BANK1: variants seen among roughly 807,000 people sequenced by gnomAD.
BANK1 encodes the protein B-cell scaffold protein with ankyrin repeats.
A neutral mutation model predicts 94.5 loss-of-function variants in BANK1; 95 were observed. The ratio of observed to expected loss-of-function variants is 1.00; its 90% CI spans 0.85 to 1.19. The LOEUF is 1.19. Ranked by LOEUF, BANK1 falls within the 50% of genes most tolerant of loss-of-function variation. BANK1 has a pLI of 0.00. For missense variants in BANK1, 987 were observed against 932.2 expected, an observed-to-expected ratio of 1.06 and a Z score of -0.77; for synonymous variants, 334 against 308.4, an observed-to-expected ratio of 1.08 and a Z score of -0.87.
chr4:101,972,463 A>C (rs1014997371), intron 7 of BANK1: 1 of 152,044 alleles, frequency 6.6e-6, no homozygotes, highest in African/African-American at 2.4e-5. Flanking sequence ...CAAACATGTA[A>C]TATACTAACA....
chr4:101,807,740 C>G (rs1386653290), intron 1 of BANK1, among the ~76,000 whole-genome samples: 1 of 152,082 alleles, frequency 6.6e-6, no homozygotes, highest in Non-Finnish European at 1.5e-5. Context: ...CAACAAGGTT[C>G]ATTATTTGCT....
At chr4:101,794,309 T>A (rs1725084415) in intron 1 of BANK1, among the ~76,000 whole-genome samples, 2 of 152,110 alleles carry the variant, frequency 1.3e-5, no homozygotes, top group South Asian at 4.1e-4. Flanking sequence ...AAGATGAGAA[T>A]CTATTTTACC....
intron 7 of BANK1, among the ~76,000 whole-genome samples, chr4:101,953,429 G>A (rs1475228486): frequency 2.0e-5 from 3 of 152,018 alleles, no homozygotes; most frequent in African/African-American, 7.2e-5. Flanking sequence ...AGAATTGCAT[G>A]GAGAGAACAG....
chr4:102,068,970 G>GTA (rs1309840255), intron 13 of BANK1, among the ~76,000 whole-genome samples: 2 of 152,094 alleles, frequency 1.3e-5, no homozygotes, highest in African/African-American at 4.8e-5. Flanking sequence ...ACTCCTCTGA[G>GTA]TATACCTCTT....
At chr4:101,981,619 C>T (rs1259234109) in intron 7 of BANK1, among the ~76,000 whole-genome samples, 1 of 152,070 alleles carries the variant, frequency 6.6e-6, no homozygotes, top group Admixed American at 6.6e-5. Context: ...ATTTTAGTAA[C>T]ACTGGAATTA....
chr4:101,813,784 G>T, intron 1 of BANK1: 2 of 797,192 alleles, frequency 2.5e-6, no homozygotes, highest in Non-Finnish European at 3.0e-6. Context: ...GAGCTTCTGC[G>T]GGTGGTAGGA....
chr4:101,816,125 G>T (rs901372727), intron 1 of BANK1, among the ~76,000 whole-genome samples: 8 of 152,134 alleles, frequency 5.3e-5, no homozygotes, highest in African/African-American at 1.9e-4. Flanking sequence ...CTCATCTGTA[G>T]CTCTAAAAGT....
At chr4:101,857,913 G>A (rs1052357343) in intron 3 of BANK1, among the ~76,000 whole-genome samples, 12 of 152,098 alleles carry the variant, frequency 7.9e-5, no homozygotes, top group Admixed American at 5.9e-4. Context: ...TATGGGCCAA[G>A]ACATTTGTTT....
At chr4:101,838,717 G>A (rs1726923076) in intron 2 of BANK1, among the ~76,000 whole-genome samples, 1 of 152,200 alleles carries the variant, frequency 6.6e-6, no homozygotes, top group African/African-American at 2.4e-5. Flanking sequence ...CTACCCTTAT[G>A]TGATGATTGA....
Position 101,869,520 on chromosome 4 carries a change from AAGCT to A in BANK1, c.764-984_764-981del, listed in dbSNP as rs1193730943. Among the ~76,000 whole-genome samples the A allele has an allele frequency of 3.9e-5, 6 of 152,074 alleles. No individual in the cohort carries two copies. In the East Asian group the frequency reaches 1.2e-3, roughly 29 times the overall value. On this transcript the variant is annotated intron_variant, in intron 4 of 16. Coordinates refer to ENST00000322953, the MANE Select transcript of BANK1 (RefSeq NM_017935.5). ...GAAATTTCAGCTCCTTGACCTAGTTAAGCTTAAGATTGCTTTCGTTGCATTTAAG... is the reference window on the plus strand; with the variant it reads ...GAAATTTCAGCTCCTTGACCTAGTTATAAGATTGCTTTCGTTGCATTTAAG...
At chr4:101,931,420 T>G (rs1723337088) in intron 7 of BANK1, among the ~76,000 whole-genome samples, 1 of 151,474 alleles carries the variant, frequency 6.6e-6, no homozygotes, top group Non-Finnish European at 1.5e-5. Context: ...GAACCAGCCC[T>G]TTCTGTATTT....
At chr4:101,885,165 C>G (rs574830213) in intron 5 of BANK1, among the ~76,000 whole-genome samples, 1 of 152,332 alleles carries the variant, frequency 6.6e-6, no homozygotes, top group East Asian at 1.9e-4. Context: ...GATCCACCGA[C>G]CTCGGCTTCC....
At chr4:101,807,536 A>G (rs1032254443) in intron 1 of BANK1, among the ~76,000 whole-genome samples, 1 of 152,246 alleles carries the variant, frequency 6.6e-6, no homozygotes, top group East Asian at 1.9e-4. Flanking sequence ...GCCTGCCACT[A>G]TGTCTCCTGG....
intron 7 of BANK1, among the ~76,000 whole-genome samples, chr4:102,002,925 C>T (rs1726127157): frequency 6.6e-6 from 1 of 152,176 alleles, no homozygotes; most frequent in South Asian, 2.1e-4. Context: ...AGGCATGTGC[C>T]ACCATGCCCA....
chr4:102,060,105 A>G (rs1032106418), intron 11 of BANK1, 106 bp from the exon 12 acceptor site: 24 of 1,003,118 alleles, frequency 2.4e-5, no homozygotes, highest in Middle Eastern at 6.7e-4. Context: ...AACTGCTCAT[A>G]GAGAGTTAAG....
chr4:101,799,514 G>A (rs1365154730), intron 1 of BANK1, among the ~76,000 whole-genome samples: 1 of 152,144 alleles, frequency 6.6e-6, no homozygotes, highest in African/African-American at 2.4e-5. Flanking sequence ...TATGTTTATT[G>A]TGGCACTATT....
chr4:101,845,788 G>A (rs1727219986), intron 2 of BANK1, among the ~76,000 whole-genome samples: 2 of 152,166 alleles, frequency 1.3e-5, no homozygotes, highest in South Asian at 4.1e-4. Context: ...GTCAAATAAG[G>A]TATAATCTTA....
intron 7 of BANK1, among the ~76,000 whole-genome samples, chr4:102,010,183 T>A (rs1477778160): frequency 6.6e-6 from 1 of 151,226 alleles, no homozygotes; most frequent in Non-Finnish European, 1.5e-5. Context: ...GAGAATGGCG[T>A]GAACCCGGGA....
intron 6 of BANK1, among the ~76,000 whole-genome samples, chr4:101,908,896 G>A (rs1396333083): frequency 3.9e-5 from 6 of 152,178 alleles, no homozygotes; most frequent in Non-Finnish European, 7.3e-5. Context: ...TCATTAAAAA[G>A]TCAGGAAACA....
Sources: gnomAD v4.1 joint callset for allele counts (sites outside exome capture counted in the v4.1 genomes callset) on GRCh38, gnomAD v4.1.1 for gene constraint, MANE v1.5 for transcripts, NCBI Gene and HGNC (gene_info 2026-07-23, HGNC 2026-07-21) for gene names.